Variants in GNA14 observed in about 807,000 individuals in gnomAD.
GNA14 encodes guanine nucleotide-binding protein subunit alpha-14.
In GNA14, 50 loss-of-function variants were observed where a neutral mutation model predicts 42.0. That is an observed-to-expected ratio of 1.19 (90% CI 0.95 to 1.51). GNA14 has a LOEUF of 1.51. Among genes scored for constraint, GNA14 ranks in the 40% most tolerant of loss-of-function variants. The pLI is 0.00. For missense variants in GNA14, 473 were observed against 446.2 expected (o/e 1.06, Z -0.54); for synonymous variants, 173 against 163.1 (o/e 1.06, Z -0.46).
At chr9:77,487,641 C>G (rs984130006) in intron 2 of GNA14, among the ~76,000 whole-genome samples, 1 of 152,138 alleles carries the variant, frequency 6.6e-6, no homozygotes, top group Non-Finnish European at 1.5e-5. Flanking sequence ...GAGTCCTAAC[C>G]CAACACAAGT....
rs1824387468 is a variant in GNA14, at chr9:77,647,930, G to C, written c.-137C>G. The stretch of plus-strand genomic sequence containing the variant: ...GACGGGGGCCGACTTGAGCTTTGGA[G>C]TAAGACGCCTGGACCTCCGAGGCTC... On this transcript the variant is annotated 5_prime_UTR_variant, in exon 1 of 7. Coordinates refer to ENST00000341700, the MANE Select transcript of GNA14 (RefSeq NM_004297.4). 2 of 1,013,956 alleles carry C rather than the reference G, an allele frequency of 2.0e-6. No homozygotes were observed. The highest frequency in any genetic ancestry group is 2.8e-5 in the Admixed American group (1 of 36,170). 62.8% of individuals were successfully genotyped at this position (1,013,956 alleles called of 1,614,324 possible).
chr9:77,606,924 C>G (rs775517890), intron 1 of GNA14, among the ~76,000 whole-genome samples: 7 of 152,090 alleles, frequency 4.6e-5, no homozygotes, highest in Admixed American at 1.3e-4. Context: ...GGAAGAGACA[C>G]CAGAATTTCT....
intron 1 of GNA14, among the ~76,000 whole-genome samples, chr9:77,639,764 T>C (rs1453677318): frequency 6.6e-6 from 1 of 152,348 alleles, no homozygotes; most frequent in Admixed American, 6.5e-5. Flanking sequence ...TTTCCATTAA[T>C]TCTATTTCCT....
intron 1 of GNA14, among the ~76,000 whole-genome samples, chr9:77,631,283 A>G (rs1351942954): frequency 1.3e-5 from 2 of 152,146 alleles, no homozygotes; most frequent in Admixed American, 1.3e-4. Flanking sequence ...GTCATCACTC[A>G]GAAATTGCTA....
At position 77,648,184 on chromosome 9, in the gene GNA14, G is replaced by A. The variant is rs1122838; in HGVS notation, c.-391C>T. ...CGAGTTGGAACGTCGGTGCTCGGGG[G>A]AGAGTAGGATCTCCTGGGCCTAGGG... On this transcript the variant is annotated 5_prime_UTR_variant, in exon 1 of 7. Coordinates refer to ENST00000341700, the MANE Select transcript of GNA14 (RefSeq NM_004297.4). 0.18 allele frequency: 54,023 copies of A among 295,476 alleles called. 5,613 individuals are homozygous for A. The highest frequency in any genetic ancestry group is 0.27 in the African/African-American group (11,669 of 43,342). The allele number at this position is 295,476 out of a possible 1,614,324, so 18.3% of individuals were successfully genotyped here.
chr9:77,613,017 T>G (rs1054702876), intron 1 of GNA14, among the ~76,000 whole-genome samples: 6 of 152,152 alleles, frequency 3.9e-5, no homozygotes, highest in Admixed American at 2.0e-4. Context: ...TAAACACACA[T>G]GGAATATTAT....
chr9:77,508,640 A>G (rs1837108713), intron 2 of GNA14, among the ~76,000 whole-genome samples: 1 of 152,188 alleles, frequency 6.6e-6, no homozygotes, highest in Admixed American at 6.5e-5. Flanking sequence ...AGCATGTAAC[A>G]ACCAAATACA....
chr9:77,451,305 T>C (rs1240998216), intron 2 of GNA14, among the ~76,000 whole-genome samples: 1 of 152,220 alleles, frequency 6.6e-6, no homozygotes, highest in Non-Finnish European at 1.5e-5. Flanking sequence ...CTAAAGAACG[T>C]ATTTTTTAAT....
chr9:77,547,722 A>G (rs567212366), intron 1 of GNA14, among the ~76,000 whole-genome samples: 3 of 152,334 alleles, frequency 2.0e-5, no homozygotes, highest in Admixed American at 2.0e-4. Flanking sequence ...GACCTTAAAC[A>G]AATTACTTAA....
chr9:77,434,418 C>T lies in GNA14; in HGVS notation c.414G>A (p.Gln138=). 1 of 1,614,136 alleles carries T rather than the reference C, an allele frequency of 6.2e-7. No homozygotes were observed. The highest frequency in any genetic ancestry group is 8.5e-7 in the Non-Finnish European group (1 of 1,179,996). ...IKQLWQDPGI[Q]ECYDRRREYQ... ...ACTCCCTCCTCCTGTCGTAACACTC[C>T]TGGATGCCTGGATCTTGCCAGAGCT... Residue 138 remains glutamine (Q), a synonymous_variant, in exon 3 of 7, where the codon CAG becomes CAA. Transcript: ENST00000341700.
chr9:77,498,362 A>G (rs1836906903), intron 2 of GNA14, among the ~76,000 whole-genome samples: 1 of 129,070 alleles, frequency 7.7e-6, no homozygotes, highest in Admixed American at 8.1e-5. Flanking sequence ...AACAAGAGCA[A>G]AAGTCTGTCT....
intron 2 of GNA14, among the ~76,000 whole-genome samples, chr9:77,452,012 A>G (rs1260689346): frequency 3.9e-5 from 6 of 152,344 alleles, no homozygotes; most frequent in East Asian, 3.9e-4. Flanking sequence ...AGTGATGTCC[A>G]TGCTCACTAT....
At chr9:77,542,041 T>G (rs1837667310) in intron 1 of GNA14, among the ~76,000 whole-genome samples, 1 of 152,208 alleles carries the variant, frequency 6.6e-6, no homozygotes, top group Non-Finnish European at 1.5e-5. Context: ...AATTTCTCTT[T>G]GATTGGGATC....
intron 2 of GNA14, among the ~76,000 whole-genome samples, chr9:77,469,796 AGTTTTCAGCATTCCTGG>A (rs1836297349): frequency 6.6e-6 from 1 of 152,192 alleles, no homozygotes; most frequent in African/African-American, 2.4e-5. Context: ...TTCACTCATC[AGTTTTCAGCATTCCTGG>A]GTTTTGTTTT....
Position 77,426,315 on chromosome 9 carries a change from T to TTC in GNA14, c.724-601_724-600insGA, listed in dbSNP as rs746116372. The stretch of plus-strand genomic sequence containing the variant: ...CTGTTGTTCAGAACTTTTTTTTTTT[T>TTC]CCTTTCTGAGATGGAGTCTCGCTGT... On this transcript the variant is annotated intron_variant, in intron 5 of 6. Transcript: ENST00000341700. Among the ~76,000 whole-genome samples the TTC allele has an allele frequency of 1.3e-4, 19 of 151,788 alleles. No homozygotes were observed. In the East Asian group the frequency reaches 2.9e-3, roughly 23 times the overall value.
rs568792361 is a variant in GNA14, at chr9:77,647,898, A to T, written c.-105T>A. ...CATGCGACGGGCACAGGGGTGTGGA[A>T]AGAAAAGACGGGGGCCGACTTGAGC... On this transcript the variant is annotated 5_prime_UTR_variant, in exon 1 of 7. Coordinates refer to ENST00000341700, the MANE Select transcript of GNA14 (RefSeq NM_004297.4). 7.4e-7 allele frequency: 1 copy of T among 1,355,020 alleles called. No individual in the cohort carries two copies. Among genetic ancestry groups the T allele is most frequent in the South Asian group, 1.3e-5 (1 of 75,890 alleles). The allele number at this position is 1,355,020 out of a possible 1,614,324, so 83.9% of individuals were successfully genotyped here. A position where few individuals can be genotyped will look rare whatever the true frequency, so the allele number is the denominator to read the frequency against.
At chr9:77,454,319 C>T (rs146973143) in intron 2 of GNA14, among the ~76,000 whole-genome samples, 47 of 152,336 alleles carry the variant, frequency 3.1e-4, no homozygotes, top group African/African-American at 1.1e-3. Context: ...CTTCTGTGAA[C>T]CCCCTTTGTT....
intron 1 of GNA14, among the ~76,000 whole-genome samples, chr9:77,552,370 C>T (rs1338825397): frequency 6.6e-6 from 1 of 152,026 alleles, no homozygotes; most frequent in Non-Finnish European, 1.5e-5. Flanking sequence ...AGATAACATG[C>T]TCCGAGCATT....
intron 2 of GNA14, among the ~76,000 whole-genome samples, chr9:77,465,488 G>T (rs972001010): frequency 3.9e-5 from 6 of 152,154 alleles, no homozygotes; most frequent in African/African-American, 1.4e-4. Flanking sequence ...GCGGCTGTGT[G>T]TTTTCATTTC....
Sources: allele counts gnomAD v4.1 joint callset (sites outside exome capture counted in the v4.1 genomes callset), GRCh38; gene constraint gnomAD v4.1.1; transcripts MANE v1.5; gene names NCBI Gene and HGNC (gene_info 2026-07-23, HGNC 2026-07-21).